The following KALRN variants were observed in gnomAD, a reference collection of about 807,000 sequenced individuals.
KALRN encodes the protein kalirin RhoGEF kinase, also known as kalirin.
A neutral mutation model predicts 353.7 loss-of-function variants in KALRN; 70 were observed. The ratio of observed to expected loss-of-function variants is 0.20; its 90% CI spans 0.16 to 0.24. The LOEUF is 0.24. KALRN is among the 10% of genes least tolerant of loss of function. The pLI is 1.00. For synonymous variants in KALRN, 1,391 were observed against 1,434.8 expected (o/e 0.97, Z 0.69); for missense variants, 2,791 against 3,756.7 (o/e 0.74, Z 6.72).
intron 6 of KALRN, among the ~76,000 whole-genome samples, chr3:124,314,205 A>G (rs979371767): frequency 6.6e-6 from 1 of 152,110 alleles, no homozygotes; most frequent in South Asian, 2.1e-4. Context: ...TTATAGGGAC[A>G]TGGTTGAAGC....
At chr3:124,379,553 G>T (rs142382416) in intron 10 of KALRN, among the ~76,000 whole-genome samples, 1 of 152,192 alleles carries the variant, frequency 6.6e-6, no homozygotes, top group Admixed American at 6.5e-5. Context: ...CTCTTAAAAT[G>T]TACTAGGCAG....
At chr3:124,194,318 A>C (rs778038269) in intron 1 of KALRN, among the ~76,000 whole-genome samples, 4 of 152,202 alleles carry the variant, frequency 2.6e-5, no homozygotes, top group Non-Finnish European at 5.9e-5. Context: ...GGATTCTGGT[A>C]GGTCTGGAGG....
At chr3:124,548,700 C>G (rs1346308323) in intron 33 of KALRN, among the ~76,000 whole-genome samples, 3 of 152,358 alleles carry the variant, frequency 2.0e-5, no homozygotes, top group South Asian at 2.1e-4. Context: ...GTTGCCCAGG[C>G]TGGAGAGCAA....
intron 51 of KALRN, among the ~76,000 whole-genome samples, chr3:124,682,186 C>G (rs761969872): frequency 1.3e-5 from 2 of 152,128 alleles, no homozygotes; most frequent in Non-Finnish European, 2.9e-5. Flanking sequence ...GAGGCTATAC[C>G]TTAAAGATCC....
intron 34 of KALRN, among the ~76,000 whole-genome samples, chr3:124,620,329 C>T (rs935565946): frequency 2.0e-5 from 3 of 152,124 alleles, no homozygotes; most frequent in Non-Finnish European, 2.9e-5. Flanking sequence ...GTCTCAAACT[C>T]CTGATCTCAA....
intron 1 of KALRN, among the ~76,000 whole-genome samples, chr3:124,068,836 C>A (rs2042595617): frequency 6.6e-6 from 1 of 152,092 alleles, no homozygotes; most frequent in African/African-American, 2.4e-5. Flanking sequence ...AGAGCCCGCA[C>A]TGAGTGATGG....
At chr3:124,041,042 C>T (rs1348089124) in intron 1 of KALRN, among the ~76,000 whole-genome samples, 1 of 151,976 alleles carries the variant, frequency 6.6e-6, no homozygotes, top group Non-Finnish European at 1.5e-5. Context: ...TTACTATAGT[C>T]ATGTACCACG....
intron 38 of KALRN, among the ~76,000 whole-genome samples, chr3:124,653,488 G>GTATTATGT (rs2083639464): frequency 6.6e-6 from 1 of 151,996 alleles, no homozygotes; most frequent in Admixed American, 6.6e-5. Flanking sequence ...AATAAATTAT[G>GTATTATGT]TATTATGTTG....
At chr3:124,474,330 G>T (rs1373851967) in intron 25 of KALRN, among the ~76,000 whole-genome samples, 1 of 152,028 alleles carries the variant, frequency 6.6e-6, no homozygotes. Context: ...AAATATTTAT[G>T]ATGTGCTTAG....
intron 33 of KALRN, among the ~76,000 whole-genome samples, chr3:124,546,231 A>T (rs1329500239): frequency 6.6e-6 from 1 of 151,122 alleles, no homozygotes; most frequent in East Asian, 1.9e-4. Context: ...AGGTGGGCAG[A>T]TCATTTGAGC....
rs58653501 is a variant in KALRN at position 124,336,170 on chromosome 3, A to G, written c.1647+1675A>G. Among the ~76,000 whole-genome samples the G allele has an allele frequency of 4.1e-3, 628 of 152,194 alleles. 5 individuals carry two copies. The highest frequency in any genetic ancestry group is 0.014 in the African/African-American group (598 of 41,520). Reference sequence around the variant, plus strand: ...CCTTGAAGAGTCCTCTTCTGACTGGAGCATCAGTTGAGTTATCAGAGGCAA... The same window carrying G: ...CCTTGAAGAGTCCTCTTCTGACTGGGGCATCAGTTGAGTTATCAGAGGCAA... On this transcript the variant is annotated intron_variant, in intron 9 of 59. Coordinates refer to ENST00000682506, the MANE Select transcript of KALRN (RefSeq NM_001388419.1).
Position 124,330,246 on chromosome 3 carries a change from T to TCTCACACACACA in KALRN, c.1416+255_1416+256insTCACACACACAC, listed in dbSNP as rs1421313474. On this transcript the variant is annotated intron_variant, in intron 8 of 59. Coordinates refer to ENST00000682506, the MANE Select transcript of KALRN (RefSeq NM_001388419.1). Reference sequence around the variant, plus strand: ...CGCATTCATTCTCTCTCTCTCTCTCTCACACACACACACACACACACACAC... The same window carrying TCTCACACACACA: ...CGCATTCATTCTCTCTCTCTCTCTCTCTCACACACACACACACACACACACACACACACACAC... Among the ~76,000 whole-genome samples the TCTCACACACACA allele has an allele frequency of 8.5e-3, 1,138 of 134,332 alleles. 5 individuals carry two copies. The highest frequency in any genetic ancestry group is 0.015 in the Non-Finnish European group (972 of 63,020). 88.1% of individuals were successfully genotyped at this position (134,332 alleles called of 152,430 possible). A position where few individuals can be genotyped will look rare whatever the true frequency, so the allele number is the denominator to read the frequency against.
At chr3:124,475,169 C>T (rs1427865633) in intron 26 of KALRN, among the ~76,000 whole-genome samples, 1 of 152,172 alleles carries the variant, frequency 6.6e-6, no homozygotes, top group Non-Finnish European at 1.5e-5. Context: ...GAAATAAGCA[C>T]ATCATGGAGA....
chr3:124,094,913 A>G (rs1320147295), intron 1 of KALRN: 1 of 1,612,808 alleles, frequency 6.2e-7, no homozygotes, highest in East Asian at 2.2e-5. Context: ...AGGTATCCTG[A>G]GTGTGTGTAT....
At chr3:124,138,044 GC>G (rs2066150479) in intron 1 of KALRN, among the ~76,000 whole-genome samples, 1 of 152,138 alleles carries the variant, frequency 6.6e-6, no homozygotes, top group Non-Finnish European at 1.5e-5. Context: ...ATCCCCAGTG[GC>G]CCCCAGCAGG....
At chr3:124,409,096 G>A (rs1301387405) in intron 13 of KALRN, among the ~76,000 whole-genome samples, 1 of 152,068 alleles carries the variant, frequency 6.6e-6, no homozygotes, top group African/African-American at 2.4e-5. Context: ...TAGAAATATT[G>A]CCAATGTATC....
At chr3:124,064,869 C>G (rs950865300) in intron 1 of KALRN, among the ~76,000 whole-genome samples, 1 of 152,142 alleles carries the variant, frequency 6.6e-6, no homozygotes, top group African/African-American at 2.4e-5. Flanking sequence ...AAAATGTTGA[C>G]CCCTCAAAAT....
intron 5 of KALRN, among the ~76,000 whole-genome samples, chr3:124,276,966 C>A (rs143003289): frequency 7.7e-4 from 117 of 152,196 alleles, no homozygotes; most frequent in African/African-American, 2.6e-3. Flanking sequence ...TGCACACACA[C>A]ATGTGTGCAC....
At chr3:124,245,388 T>A (rs2081000031) in intron 3 of KALRN, among the ~76,000 whole-genome samples, 1 of 152,350 alleles carries the variant, frequency 6.6e-6, no homozygotes, top group African/African-American at 2.4e-5. Context: ...CATTCATCTG[T>A]TGATGGACAG....
Sources: allele counts gnomAD v4.1 joint callset (sites outside exome capture counted in the v4.1 genomes callset), GRCh38; gene constraint gnomAD v4.1.1; transcripts MANE v1.5; gene names NCBI Gene and HGNC (gene_info 2026-07-23, HGNC 2026-07-21).